Variants in SEC13 observed in about 807,000 individuals in gnomAD.
SEC13 encodes the protein protein SEC13 homolog.
A neutral mutation model predicts 49.2 loss-of-function variants in SEC13; 25 were observed. The observed-to-expected ratio is 0.51, with a 90% CI of 0.37 to 0.71. The LOEUF (loss-of-function observed/expected upper bound fraction) is 0.71, where lower values mean the gene tolerates loss of function less well. Among genes scored for constraint, SEC13 ranks in the 30% least tolerant of loss-of-function variants. The pLI, the probability that SEC13 is intolerant of heterozygous loss-of-function variation, is 0.00. For synonymous variants in SEC13, 148 were observed against 163.9 expected (o/e 0.90, Z 0.74); for missense variants, 383 against 417.6 (o/e 0.92, Z 0.72).
chr3:10,304,205 A>G, intron 7 of SEC13, 33 bp from the exon 8 acceptor site: 1 of 1,610,546 alleles, frequency 6.2e-7, no homozygotes, highest in Non-Finnish European at 8.5e-7. Context: ...CAGGAGGTGG[A>G]GTCAAGACTC....
intron 6 of SEC13, 43 bp downstream of exon 6, chr3:10,305,516 T>A: frequency 6.2e-7 from 1 of 1,607,488 alleles, no homozygotes; most frequent in Non-Finnish European, 8.5e-7. Context: ...GGGTAAAGGG[T>A]AGAAGTGTCC....
chr3:10,302,389 A>G (rs1559489302), intron 8 of SEC13, among the ~76,000 whole-genome samples: 1 of 152,270 alleles, frequency 6.6e-6, no homozygotes. Flanking sequence ...GATTGAAAAC[A>G]TACTAAGTCC....
Position 10,301,281 on chromosome 3 carries a change from CCT to C in SEC13, c.947_948del (p.Glu316GlyfsTer29). The C allele has an allele frequency of 6.2e-7, 1 of 1,614,122 alleles. No homozygotes were observed. Among genetic ancestry groups the C allele is most frequent in the Non-Finnish European group, 8.5e-7 (1 of 1,180,020 alleles). ...TCTTGTCACTGCTCGTTCTGCTGGC[CCT>C]CTGTCACTGATGCTGATACGGAGCC... ...GQGSVSASVT[E>X]GQQNEQ On this transcript the variant is annotated frameshift_variant, in exon 9 of 9. Coordinates refer to ENST00000350697, the MANE Select transcript of SEC13 (RefSeq NM_183352.3). LOFTEE classifies it high-confidence loss of function.
chr3:10,316,206 C>T (rs188747876), intron 2 of SEC13, among the ~76,000 whole-genome samples: 29 of 152,300 alleles, frequency 1.9e-4, no homozygotes, highest in African/African-American at 7.0e-4. Flanking sequence ...CACCATGCCT[C>T]CTGCACCACT....
At chr3:10,307,064 TAA>T (rs398105593) in intron 5 of SEC13, among the ~76,000 whole-genome samples, 5 of 151,434 alleles carry the variant, frequency 3.3e-5, no homozygotes, top group African/African-American at 1.2e-4. Context: ...TTTTTTTTTT[TAA>T]AAATTGAGAC....
At chr3:10,303,140 G>A (rs539101917) in intron 8 of SEC13, among the ~76,000 whole-genome samples, 5 of 152,192 alleles carry the variant, frequency 3.3e-5, no homozygotes, top group East Asian at 3.9e-4. Flanking sequence ...TGGTTGTGCC[G>A]TGAGCCACAC....
chr3:10,320,817 A>C, intron 1 of SEC13: 2 of 1,327,612 alleles, frequency 1.5e-6, no homozygotes, highest in South Asian at 4.3e-5. Context: ...GGAGACTGGC[A>C]GGAGACGCAG....
Position 10,317,146 on chromosome 3 carries a change from G to A in SEC13, c.48+904C>T, listed in dbSNP as rs181939032. On this transcript the variant is annotated intron_variant, in intron 2 of 8. Coordinates refer to ENST00000350697, the MANE Select transcript of SEC13 (RefSeq NM_183352.3). ...AGGTAGCATATCCATTATTTTTCCCGTAAGTAAATTGAGGCTGGCTCAGAA... is the reference window on the plus strand; with the variant it reads ...AGGTAGCATATCCATTATTTTTCCCATAAGTAAATTGAGGCTGGCTCAGAA... 9.2e-5 allele frequency among the ~76,000 whole-genome samples: 14 copies of A among 152,112 alleles called. No homozygotes were observed. In the East Asian group the frequency reaches 1.7e-3, roughly 19 times the overall value.
chr3:10,312,607 G>T lies in SEC13; in HGVS notation c.288C>A (p.Ser96Arg), dbSNP rs762804175. Residue 96 changes from serine (S) to arginine (R), a missense_variant, in exon 4 of 9, where the codon AGC (serine) becomes AGA (arginine). Transcript: ENST00000350697. ...WREENGTWEK[S>R]HEHAGHDSSV... ...AGGAGTCGTGTCCCGCATGCTCGTGGCTCTTCTCCCAGGTGCCGTTTTCCT... is the reference window on the plus strand; with the variant it reads ...AGGAGTCGTGTCCCGCATGCTCGTGTCTCTTCTCCCAGGTGCCGTTTTCCT... 1.9e-5 allele frequency: 31 copies of T among 1,614,056 alleles called. No homozygotes were observed. Among genetic ancestry groups the T allele is most frequent in the Non-Finnish European group, 2.4e-5 (28 of 1,180,038 alleles).
At chr3:10,304,576 C>T (rs1700745814) in intron 7 of SEC13, among the ~76,000 whole-genome samples, 1 of 152,174 alleles carries the variant, frequency 6.6e-6, no homozygotes, top group African/African-American at 2.4e-5. Flanking sequence ...CCAAACCAAA[C>T]AGGTTCCCAT....
At chr3:10,302,591 A>G (rs1027996572) in intron 8 of SEC13, among the ~76,000 whole-genome samples, 2 of 152,136 alleles carry the variant, frequency 1.3e-5, no homozygotes, top group African/African-American at 2.4e-5. Flanking sequence ...AGTGCCATCA[A>G]CCTGGGTTCT....
At chr3:10,303,894 C>T in intron 8 of SEC13, 132 bp downstream of exon 8, 1 of 881,470 alleles carries the variant, frequency 1.1e-6, no homozygotes, top group Non-Finnish European at 1.8e-6. Context: ...CTAAGAGGCA[C>T]ACTCAAAACG....
At position 10,301,384 on chromosome 3, in the gene SEC13, A is replaced by C; in HGVS notation, c.856-10T>G. 6.2e-7 allele frequency: 1 copy of C among 1,614,158 alleles called. No individual in the cohort carries two copies. Among genetic ancestry groups the C allele is most frequent in the Non-Finnish European group, 8.5e-7 (1 of 1,180,038 alleles). Reference sequence around the variant, plus strand: ...CCTTCCACAGGGTCACCTGCGAGTCAGTGCACAAGCAGATTATCACGGGTC... The same window carrying C: ...CCTTCCACAGGGTCACCTGCGAGTCCGTGCACAAGCAGATTATCACGGGTC... On this transcript the variant is annotated splice_polypyrimidine_tract_variant and intron_variant, in intron 8 of 8. Coordinates refer to ENST00000350697, the MANE Select transcript of SEC13 (RefSeq NM_183352.3).
At chr3:10,316,546 A>G (rs1045923765) in intron 2 of SEC13, among the ~76,000 whole-genome samples, 2 of 152,122 alleles carry the variant, frequency 1.3e-5, no homozygotes, top group African/African-American at 4.8e-5. Context: ...TTTCAGATCT[A>G]AATCCTATCT....
intron 8 of SEC13, among the ~76,000 whole-genome samples, chr3:10,302,304 AAAT>A (rs1700584731): frequency 6.6e-6 from 1 of 152,322 alleles, no homozygotes; most frequent in South Asian, 2.1e-4. Context: ...TTAAAAATGA[AAAT>A]AACGATTTTG....
intron 5 of SEC13, among the ~76,000 whole-genome samples, chr3:10,306,805 G>C (rs933842203): frequency 6.6e-6 from 1 of 152,184 alleles, no homozygotes. Context: ...TGCCATCCAC[G>C]TAAGCTGTGA....
intron 1 of SEC13, chr3:10,319,372 G>A: frequency 2.2e-6 from 3 of 1,365,792 alleles, no homozygotes; most frequent in Non-Finnish European, 2.9e-6. Flanking sequence ...AGCTGTATAG[G>A]TTACAAAGTG....
At position 10,304,429 on chromosome 3, in the gene SEC13, G is replaced by A. The variant is rs572005490; in HGVS notation, c.709-257C>T. 2.6e-5 allele frequency among the ~76,000 whole-genome samples: 4 copies of A among 152,152 alleles called. No homozygotes were observed. In the South Asian group the frequency reaches 8.3e-4, roughly 32 times the overall value. ...GCATTGCTAACTCAGATTTTCTCTG[G>A]GGTTTTCCTCATGCCTGCCAAGTCA... On this transcript the variant is annotated intron_variant, in intron 7 of 8. Coordinates refer to ENST00000350697, the MANE Select transcript of SEC13 (RefSeq NM_183352.3).
At chr3:10,301,549 C>A (rs1481460563) in intron 8 of SEC13, among the ~76,000 whole-genome samples, 175 bp from the exon 9 acceptor site, 2 of 152,044 alleles carry the variant, frequency 1.3e-5, no homozygotes, top group East Asian at 1.9e-4. Context: ...TAAAAACTCA[C>A]AGAAAAAAAG....
Sources: allele counts gnomAD v4.1 joint callset (sites outside exome capture counted in the v4.1 genomes callset), GRCh38; gene constraint gnomAD v4.1.1; transcripts MANE v1.5; gene names NCBI Gene and HGNC (gene_info 2026-07-23, HGNC 2026-07-21).